Variants in TMEM120B observed in about 807,000 individuals in gnomAD.
TMEM120B encodes the protein transmembrane protein 120B.
A neutral mutation model predicts 55.5 loss-of-function variants in TMEM120B; 31 were observed. That is an observed-to-expected ratio of 0.56 (90% confidence interval 0.42 to 0.75). The LOEUF (loss-of-function observed/expected upper bound fraction) is 0.75. Among genes scored for constraint, TMEM120B ranks in the 30% least tolerant of loss-of-function variants. The pLI is 0.00. For synonymous variants in TMEM120B, 203 were observed against 176.3 expected (o/e 1.15, Z -1.20); for missense variants, 399 against 425.5 (o/e 0.94, Z 0.55).
chr12:121,760,129 CAAAAAAAA>C (rs1006164597), intron 5 of TMEM120B, among the ~76,000 whole-genome samples: 53 of 47,436 alleles, frequency 1.1e-3, no homozygotes, highest in African/African-American at 3.7e-3. Flanking sequence ...AACTACGTCT[CAAAAAAAA>C]AAAAAAAAAA....
chr12:121,778,469 A>AAT lies in TMEM120B; in HGVS notation c.*2748_*2749insTA, dbSNP rs1592953759. The AAT allele has an allele frequency of 1.3e-5, 2 of 152,502 alleles. No homozygotes were observed. Among genetic ancestry groups the AAT allele is most frequent in the Non-Finnish European group, 2.9e-5 (2 of 68,654 alleles). 9.4% of individuals were successfully genotyped at this position (152,502 alleles called of 1,614,324 possible). ...CTGTCCCAAAAAAAAAAAAAAAAAA[A>AAT]AATTCCCAGACCCTCGGCCCCAGAC... is the stretch of plus-strand genomic sequence containing the variant. On this transcript the variant is annotated 3_prime_UTR_variant, in exon 12 of 12. Transcript: ENST00000449592.
intron 4 of TMEM120B, 65 bp from the exon 5 acceptor site, chr12:121,752,063 G>A (rs1189212621): frequency 7.3e-7 from 1 of 1,371,254 alleles, no homozygotes. Context: ...GGGGCTGAGG[G>A]CCATGCCCAG....
chr12:121,761,679 G>A lies in TMEM120B; in HGVS notation c.492G>A (p.Leu164=). Residue 164 remains leucine, a synonymous_variant, in exon 6 of 12, where the codon CTG becomes CTA. Transcript: ENST00000449592. ...RVTDEVFNFL[L]VWYYCTLTIR... The stretch of plus-strand genomic sequence containing the variant: ...CTGACGAAGTCTTCAACTTCCTGCT[G>A]GTGTGGTATTACTGCACCCTGACCA... The A allele has an allele frequency of 3.7e-6, 6 of 1,613,966 alleles. No homozygotes were observed. The highest frequency in any genetic ancestry group is 5.1e-6 in the Non-Finnish European group (6 of 1,179,928).
chr12:121,761,181 A>C (rs542345329), intron 5 of TMEM120B, among the ~76,000 whole-genome samples: 45 of 151,998 alleles, frequency 3.0e-4, no homozygotes, highest in African/African-American at 1.0e-3. Flanking sequence ...GTTTCACCAT[A>C]TTGGCCAAAC....
chr12:121,753,216 T>A (rs1164213100), intron 5 of TMEM120B, among the ~76,000 whole-genome samples: 1 of 152,096 alleles, frequency 6.6e-6, no homozygotes, highest in African/African-American at 2.4e-5. Context: ...CACAAAAAGA[T>A]ACACAGTAGG....
At chr12:121,759,122 G>GGT (rs1873584202) in intron 5 of TMEM120B, 1 of 662,284 alleles carries the variant, frequency 1.5e-6, no homozygotes, top group Non-Finnish European at 1.8e-6. Flanking sequence ...AGTGTCTACT[G>GGT]TTTTTTTTTT....
chr12:121,736,459 T>C (rs182589763), intron 1 of TMEM120B, among the ~76,000 whole-genome samples: 102 of 151,112 alleles, frequency 6.7e-4, no homozygotes, highest in Middle Eastern at 3.4e-3. Context: ...TGAGCCACCG[T>C]GCCCGGCCGG....
At chr12:121,721,169 G>T (rs1288907613) in intron 1 of TMEM120B, among the ~76,000 whole-genome samples, 2 of 152,158 alleles carry the variant, frequency 1.3e-5, no homozygotes, top group Non-Finnish European at 2.9e-5. Flanking sequence ...GCTCATGTGA[G>T]CAGTTCTCCT....
At chr12:121,716,334 T>TG (rs1276177188) in intron 1 of TMEM120B, among the ~76,000 whole-genome samples, 2 of 150,928 alleles carry the variant, frequency 1.3e-5, no homozygotes, top group Admixed American at 1.3e-4. Context: ...AGAGATTTGT[T>TG]GGGGAACAAG....
chr12:121,781,258 G>C lies in TMEM120B; in HGVS notation c.*5536G>C, dbSNP rs895455941. The C allele has an allele frequency of 1.2e-5, 18 of 1,463,712 alleles. No individual in the cohort carries two copies. The highest frequency in any genetic ancestry group is 1.7e-5 in the Non-Finnish European group (18 of 1,051,130). The allele number at this position is 1,463,712 out of a possible 1,614,324, so 90.7% of individuals were successfully genotyped here. On this transcript the variant is annotated 3_prime_UTR_variant, in exon 12 of 12. Transcript: ENST00000449592. ...CCTGTCTGGACTCTGACGGGTGAAGGGGAAGGGGCCAGGCAAGTGACCCTG... is the reference window on the plus strand; with the variant it reads ...CCTGTCTGGACTCTGACGGGTGAAGCGGAAGGGGCCAGGCAAGTGACCCTG...
At chr12:121,736,377 C>G (rs1895115325) in intron 1 of TMEM120B, among the ~76,000 whole-genome samples, 1 of 149,630 alleles carries the variant, frequency 6.7e-6, no homozygotes, top group Admixed American at 6.7e-5. Flanking sequence ...ACCATGTTAG[C>G]CAGGATTGTC....
rs373668935 is a variant in TMEM120B, at chr12:121,773,327, A to G, written c.680-94A>G. The G allele has an allele frequency of 4.3e-5, 50 of 1,166,612 alleles. 1 individual carries two copies. In the East Asian group the frequency reaches 4.5e-4, roughly 10 times the overall value. 72.3% of individuals were successfully genotyped at this position (1,166,612 alleles called of 1,614,324 possible). A position where few individuals can be genotyped will look rare whatever the true frequency, so the allele number is the denominator to read the frequency against. Reference sequence around the variant, plus strand: ...GGCACCCTTTCTGCTTCTGCCCAGTAAAGACCCATCAGCCTGTGCTTGGGG... The same window carrying G: ...GGCACCCTTTCTGCTTCTGCCCAGTGAAGACCCATCAGCCTGTGCTTGGGG... On this transcript the variant is annotated intron_variant, in intron 8 of 11. Transcript: ENST00000449592.
At position 121,779,433 on chromosome 12, in the gene TMEM120B, T is replaced by C. The variant is rs978729482; in HGVS notation, c.*3711T>C. 72 of 1,558,922 alleles carry C rather than the reference T, an allele frequency of 4.6e-5. 1 individual carries two copies. The East Asian group carries it at 1.3e-3, about 27-fold the overall frequency. On this transcript the variant is annotated 3_prime_UTR_variant, in exon 12 of 12. Transcript: ENST00000449592. ...GAGGGTCGGGATGGGGCAGCCTCCCTGGTGCAATCGGCACCTGGGCCCCCG... is the reference window on the plus strand; with the variant it reads ...GAGGGTCGGGATGGGGCAGCCTCCCCGGTGCAATCGGCACCTGGGCCCCCG...
At chr12:121,735,187 A>G in intron 1 of TMEM120B, among the ~76,000 whole-genome samples, 1 of 148,490 alleles carries the variant, frequency 6.7e-6, no homozygotes, top group East Asian at 2.0e-4. Context: ...CTCTGTCTCA[A>G]AAAAAAAAAA....
At position 121,779,563 on chromosome 12, in the gene TMEM120B, C is replaced by T. The variant is rs770565821; in HGVS notation, c.*3841C>T. ...GCCTTCTTCAGAGCGCTGAGAGCCA[C>T]CTTGGCGGCCTCCCGGAAGACGTCC... is the stretch of plus-strand genomic sequence containing the variant. On this transcript the variant is annotated 3_prime_UTR_variant, in exon 12 of 12. Coordinates refer to ENST00000449592, the MANE Select transcript of TMEM120B (RefSeq NM_001080825.2). 1.2e-5 allele frequency: 20 copies of T among 1,614,020 alleles called. No homozygotes were observed. The African/African-American group carries it at 2.4e-4, about 19-fold the overall frequency.
chr12:121,734,290 C>T (rs1895062224), intron 1 of TMEM120B, among the ~76,000 whole-genome samples: 2 of 151,794 alleles, frequency 1.3e-5, no homozygotes, highest in Admixed American at 1.3e-4. Context: ...TGGAGTTTTG[C>T]TCTTGTTGCC....
intron 6 of TMEM120B, among the ~76,000 whole-genome samples, chr12:121,765,129 C>CTTTCTTTTTTTTTT (rs1555332581): frequency 7.5e-6 from 1 of 133,710 alleles, no homozygotes; most frequent in African/African-American, 2.8e-5. Flanking sequence ...TCTTTTCTTT[C>CTTTCTTTTTTTTTT]TTTTTTTTTT....
At chr12:121,713,254 A>G (rs921660677) in intron 1 of TMEM120B, among the ~76,000 whole-genome samples, 2 of 152,082 alleles carry the variant, frequency 1.3e-5, no homozygotes, top group African/African-American at 4.8e-5. Flanking sequence ...CCTCTGAGGC[A>G]AGTTCCAGGC....
intron 10 of TMEM120B, 100 bp downstream of exon 10, chr12:121,774,822 TG>T: frequency 1.4e-6 from 2 of 1,427,328 alleles, no homozygotes; most frequent in South Asian, 1.3e-5. Context: ...GTCCCCATGC[TG>T]GGGCCCACAG....
Sources: allele counts gnomAD v4.1 joint callset (sites outside exome capture counted in the v4.1 genomes callset), GRCh38; gene constraint gnomAD v4.1.1; transcripts MANE v1.5; gene names NCBI Gene and HGNC (gene_info 2026-07-23, HGNC 2026-07-21).